ZFAND6: variants seen among roughly 807,000 people sequenced by gnomAD.
The protein encoded by ZFAND6 is AN1-type zinc finger protein 6.
A neutral mutation model predicts 24.5 loss-of-function variants in ZFAND6; 12 were observed. The ratio of observed to expected loss-of-function variants is 0.49; its 90% CI spans 0.31 to 0.79. The LOEUF (loss-of-function observed/expected upper bound fraction) is 0.79. ZFAND6 is among the 30% of genes least tolerant of loss of function. The pLI is 0.04. For synonymous variants in ZFAND6, 92 were observed against 81.5 expected (o/e 1.13, Z -0.69); for missense variants, 207 against 245.9 (o/e 0.84, Z 1.06).
chr15:80,084,474 C>A (rs1238391680), intron 1 of ZFAND6, among the ~76,000 whole-genome samples: 1 of 152,146 alleles, frequency 6.6e-6, no homozygotes, highest in Non-Finnish European at 1.5e-5. Context: ...TAACTGAGGC[C>A]TAACTGGCCA....
At chr15:80,062,302 A>G (rs1031898452) in intron 1 of ZFAND6, among the ~76,000 whole-genome samples, 3 of 152,232 alleles carry the variant, frequency 2.0e-5, no homozygotes, top group Non-Finnish European at 4.4e-5. Context: ...CATTAGGACC[A>G]AGGTGTTATT....
At chr15:80,092,339 A>AG (rs975971247) in intron 1 of ZFAND6, among the ~76,000 whole-genome samples, 2 of 151,684 alleles carry the variant, frequency 1.3e-5, no homozygotes, top group African/African-American at 4.8e-5. Flanking sequence ...AAAAAAAAAA[A>AG]AAAAAAGGAT....
At chr15:80,132,950 A>G (rs1205030848) in intron 6 of ZFAND6, among the ~76,000 whole-genome samples, 1 of 151,868 alleles carries the variant, frequency 6.6e-6, no homozygotes, top group African/African-American at 2.4e-5. Context: ...TTAAAAAAAA[A>G]AAAAAGGAAA....
rs897710591 is a variant in ZFAND6 at position 80,073,185 on chromosome 15, C to T, written c.-181+13376C>T. 4 of 184,032 alleles carry T rather than the reference C, an allele frequency of 2.2e-5. No individual in the cohort carries two copies. The Admixed American group carries it at 2.4e-4, about 11-fold the overall frequency. 11.4% of individuals were successfully genotyped at this position (184,032 alleles called of 1,614,324 possible). ...TAATATGCTTATAATTTTTAATATG[C>T]TCATAATTAAAAAGGCCATTGATGA... On this transcript the variant is annotated intron_variant, in intron 1 of 6. Transcript: ENST00000261749.
chr15:80,082,131 G>A (rs1228160286), intron 1 of ZFAND6, among the ~76,000 whole-genome samples: 1 of 152,202 alleles, frequency 6.6e-6, no homozygotes, highest in African/African-American at 2.4e-5. Flanking sequence ...CCCAGGTGGG[G>A]AAGAGGTATG....
intron 5 of ZFAND6, chr15:80,130,399 G>T (rs1162464934): frequency 1.3e-5 from 2 of 152,160 alleles, no homozygotes; most frequent in Non-Finnish European, 2.9e-5. Context: ...GTCTAGTTGG[G>T]GATAAAACTG....
chr15:80,134,027 G>A (rs892167651), intron 6 of ZFAND6, among the ~76,000 whole-genome samples: 5 of 142,790 alleles, frequency 3.5e-5, no homozygotes, highest in Non-Finnish European at 6.0e-5. Context: ...CACTCTTTTC[G>A]CCTAGGCTGG....
chr15:80,113,731 T>G (rs2039725748), intron 2 of ZFAND6, among the ~76,000 whole-genome samples: 1 of 152,122 alleles, frequency 6.6e-6, no homozygotes, highest in South Asian at 2.1e-4. Context: ...GGGTTCATGT[T>G]AGGCATAAAG....
chr15:80,102,818 T>C (rs1460316859), intron 2 of ZFAND6, among the ~76,000 whole-genome samples: 2 of 152,232 alleles, frequency 1.3e-5, no homozygotes, highest in Admixed American at 1.3e-4. Context: ...ATTAATGTTA[T>C]GTTCTAAAAG....
At chr15:80,072,568 A>C (rs902549034) in intron 1 of ZFAND6, 1 of 152,118 alleles carries the variant, frequency 6.6e-6, no homozygotes, top group African/African-American at 2.4e-5. Flanking sequence ...CTTGGTATTC[A>C]GGTTTGGTTG....
intron 2 of ZFAND6, among the ~76,000 whole-genome samples, chr15:80,116,354 T>C (rs1468518620): frequency 6.6e-6 from 1 of 152,212 alleles, no homozygotes; most frequent in Non-Finnish European, 1.5e-5. Context: ...GTGAGAGTTA[T>C]ATCTAGTGAA....
chr15:80,127,538 T>C (rs542515258), intron 5 of ZFAND6, among the ~76,000 whole-genome samples: 2 of 141,286 alleles, frequency 1.4e-5, no homozygotes, highest in African/African-American at 5.5e-5. Flanking sequence ...TGCAGTGAGC[T>C]GAGATTGTGC....
chr15:80,082,331 C>T (rs970804453), intron 1 of ZFAND6, among the ~76,000 whole-genome samples: 3 of 152,104 alleles, frequency 2.0e-5, no homozygotes, highest in Admixed American at 6.5e-5. Context: ...GTGCCTATTT[C>T]GCAGATGATA....
In ZFAND6 at chr15:80,087,786, T is replaced by G. The variant is rs187851232; in HGVS notation, c.-180-10630T>G. Among the ~76,000 whole-genome samples, 44 of 152,344 alleles carry G rather than the reference T, an allele frequency of 2.9e-4. No homozygotes were observed. The East Asian group carries it at 8.1e-3, about 28-fold the overall frequency. On this transcript the variant is annotated intron_variant, in intron 1 of 6. Coordinates refer to ENST00000261749, the MANE Select transcript of ZFAND6 (RefSeq NM_019006.4). ...TACAAGGAGCTTTCATACATCGTTT[T>G]TCTAGATTCCCAATTGTTATACTGT... is the stretch of plus-strand genomic sequence containing the variant.
chr15:80,105,725 T>C (rs16971749), intron 2 of ZFAND6, among the ~76,000 whole-genome samples: 5,164 of 152,300 alleles, frequency 0.034, 280 homozygotes, highest in East Asian at 0.22. Flanking sequence ...TTTTACTACA[T>C]ATCAAGTTGT....
At chr15:80,131,870 AC>A (rs2040622340) in intron 6 of ZFAND6, among the ~76,000 whole-genome samples, 1 of 152,226 alleles carries the variant, frequency 6.6e-6, no homozygotes, top group African/African-American at 2.4e-5. Flanking sequence ...TAACTAATTT[AC>A]ATTTTAAAAT....
chr15:80,126,245 A>AGTCTCTTTG (rs1315818177), intron 5 of ZFAND6, among the ~76,000 whole-genome samples: 1 of 152,218 alleles, frequency 6.6e-6, no homozygotes, highest in Non-Finnish European at 1.5e-5. Context: ...AGAGGGGGAC[A>AGTCTCTTTG]GTCTCTTTGG....
intron 2 of ZFAND6, among the ~76,000 whole-genome samples, chr15:80,105,734 G>A (rs1325543502): frequency 2.0e-5 from 3 of 152,114 alleles, no homozygotes; most frequent in Non-Finnish European, 4.4e-5. Flanking sequence ...ATATCAAGTT[G>A]TCCCTGTATA....
intron 1 of ZFAND6, among the ~76,000 whole-genome samples, chr15:80,095,542 C>G (rs1466826095): frequency 6.6e-6 from 1 of 152,082 alleles, no homozygotes; most frequent in African/African-American, 2.4e-5. Flanking sequence ...TCTTTGGTAA[C>G]TTTGTCTAAA....
Sources: gnomAD v4.1 joint callset for allele counts (sites outside exome capture counted in the v4.1 genomes callset) on GRCh38, gnomAD v4.1.1 for gene constraint, MANE v1.5 for transcripts, NCBI Gene and HGNC (gene_info 2026-07-23, HGNC 2026-07-21) for gene names.